GALK2: variants seen among roughly 807,000 people sequenced by gnomAD.
GALK2 encodes the protein N-acetylgalactosamine kinase.
GALK2 carries 36 observed loss-of-function variants against 52.4 expected under a neutral mutation model. That is an observed-to-expected ratio of 0.69 (90% confidence interval 0.53 to 0.91). The LOEUF (loss-of-function observed/expected upper bound fraction) is 0.91. Ranked by LOEUF, GALK2 falls within the 40% of genes least tolerant of loss-of-function variation. The probability of loss-of-function intolerance (pLI) is 0.00; values close to 1 mark genes in which losing one functional copy is unlikely to be tolerated. For synonymous variants in GALK2, 176 were observed against 199.1 expected (o/e 0.88, Z 0.98); for missense variants, 579 against 559.1 (o/e 1.04, Z -0.36).
At chr15:49,199,335 T>C (rs189840142) in intron 1 of GALK2, 23 of 152,284 alleles carry the variant, frequency 1.5e-4, no homozygotes, top group Admixed American at 1.2e-3. Context: ...CTAGTTATAC[T>C]GAAGACAAAG....
chr15:49,287,166 T>C (rs192886300), intron 7 of GALK2, among the ~76,000 whole-genome samples: 6 of 152,334 alleles, frequency 3.9e-5, no homozygotes, highest in Admixed American at 1.3e-4. Context: ...GGATGTTTTC[T>C]CAGTTTAACT....
At chr15:49,292,812 C>T (rs1228832434) in intron 8 of GALK2, among the ~76,000 whole-genome samples, 1 of 151,884 alleles carries the variant, frequency 6.6e-6, no homozygotes, top group East Asian at 1.9e-4. Flanking sequence ...TTCCCTTATC[C>T]ATTTTTTTCT....
rs1363579663 is a variant in GALK2 at position 49,292,435 on chromosome 15, G to A, written c.865G>A (p.Ala289Thr). Reference sequence around the variant, plus strand: ...AGAAATGCTGTTGGTCACAGAAGATGCCCTTCATCCTGAACCCTATAACCC... The same window carrying A: ...AGAAATGCTGTTGGTCACAGAAGATACCCTTCATCCTGAACCCTATAACCC... ...LEEMLLVTEDALHPEPYNPEE... is the reference protein window; with the variant it reads ...LEEMLLVTEDTLHPEPYNPEE... Residue 289 changes from alanine (A) to threonine (T), a missense_variant, in exon 8 of 10, where the codon GCC becomes ACC. Coordinates refer to ENST00000560031, the MANE Select transcript of GALK2 (RefSeq NM_002044.4). The A allele has an allele frequency of 1.2e-6, 2 of 1,613,874 alleles. No individual in the cohort carries two copies. Among genetic ancestry groups the A allele is most frequent in the East Asian group, 2.2e-5 (1 of 44,888 alleles).
At chr15:49,216,695 G>A (rs2089406941) in intron 2 of GALK2, among the ~76,000 whole-genome samples, 1 of 152,192 alleles carries the variant, frequency 6.6e-6, no homozygotes. Context: ...TGCTGAGATT[G>A]AGAATTCTGT....
At chr15:49,306,912 T>C (rs1397907927) in intron 8 of GALK2, among the ~76,000 whole-genome samples, 1 of 152,148 alleles carries the variant, frequency 6.6e-6, no homozygotes, top group Non-Finnish European at 1.5e-5. Flanking sequence ...CAAGATGATG[T>C]GTATTGAGAA....
intron 1 of GALK2, chr15:49,156,192 T>A: frequency 3.1e-6 from 2 of 643,042 alleles, no homozygotes; most frequent in South Asian, 3.7e-5. Context: ...ATCAGTTGAG[T>A]TGCCTTAAAT....
At chr15:49,247,569 TA>T (rs2091411695) in intron 5 of GALK2, among the ~76,000 whole-genome samples, 1 of 152,220 alleles carries the variant, frequency 6.6e-6, no homozygotes, top group Non-Finnish European at 1.5e-5. Flanking sequence ...AAGTGTAAGG[TA>T]TTTTATATGT....
At chr15:49,218,730 T>A (rs2089572832) in intron 3 of GALK2, among the ~76,000 whole-genome samples, 1 of 152,250 alleles carries the variant, frequency 6.6e-6, no homozygotes, top group Non-Finnish European at 1.5e-5. Flanking sequence ...TTTGCCTGTA[T>A]GAATAATACT....
chr15:49,249,962 G>A (rs1280883920), intron 5 of GALK2, among the ~76,000 whole-genome samples: 1 of 152,066 alleles, frequency 6.6e-6, no homozygotes. Context: ...AAAGTTCTAA[G>A]TTGCTAGCCA....
At chr15:49,269,077 T>A (rs2029940883) in intron 5 of GALK2, among the ~76,000 whole-genome samples, 1 of 152,216 alleles carries the variant, frequency 6.6e-6, no homozygotes, top group South Asian at 2.1e-4. Context: ...AGAAAGAGAT[T>A]ACAATCATTT....
chr15:49,235,513 C>T, intron 3 of GALK2: 1 of 415,368 alleles, frequency 2.4e-6, no homozygotes, highest in South Asian at 1.9e-5. Flanking sequence ...TGCCAAACAG[C>T]AGGCCCAGAG....
At chr15:49,318,908 T>C (rs2036644320) in intron 8 of GALK2, 1 of 451,374 alleles carries the variant, frequency 2.2e-6, no homozygotes, top group African/African-American at 2.0e-5. Context: ...TGCACATCCC[T>C]CAGTGCTGTG....
chr15:49,194,357 T>C (rs1048483435), intron 1 of GALK2: 3 of 152,136 alleles, frequency 2.0e-5, no homozygotes, highest in African/African-American at 7.2e-5. Flanking sequence ...TGTCATGATT[T>C]GAGATGCCAC....
chr15:49,191,131 G>A (rs1277535643), intron 1 of GALK2, among the ~76,000 whole-genome samples: 1 of 151,952 alleles, frequency 6.6e-6, no homozygotes, highest in Non-Finnish European at 1.5e-5. Flanking sequence ...GAAAAAAGCA[G>A]AAAAAAGAAC....
chr15:49,262,105 C>T (rs1428215504), intron 5 of GALK2, among the ~76,000 whole-genome samples: 5 of 152,082 alleles, frequency 3.3e-5, no homozygotes, highest in Admixed American at 3.3e-4. Context: ...GGAGGATTCC[C>T]TCTTTTTCTA....
chr15:49,294,487 A>G (rs1032598007), intron 8 of GALK2, among the ~76,000 whole-genome samples: 2 of 152,186 alleles, frequency 1.3e-5, no homozygotes, highest in Non-Finnish European at 2.9e-5. Flanking sequence ...TGTATAGGTA[A>G]TGTGGGAGGT....
chr15:49,258,434 T>C (rs770210466), intron 5 of GALK2, among the ~76,000 whole-genome samples: 9 of 152,080 alleles, frequency 5.9e-5, no homozygotes, highest in Admixed American at 6.6e-5. Context: ...GAAGGAATGG[T>C]GGATATAAAG....
intron 5 of GALK2, among the ~76,000 whole-genome samples, chr15:49,258,191 A>G (rs1384970363): frequency 1.3e-5 from 2 of 152,136 alleles, no homozygotes; most frequent in Admixed American, 6.6e-5. Context: ...GGGTAGAGCA[A>G]TTACTAAAAT....
rs538338679 is a variant in GALK2 at position 49,278,468 on chromosome 15, A to G, written c.505-3519A>G. ...TGGCTTGGGACTTGGCTGCTTTTTT[A>G]TGTAAATCAGATGATTCCTTATTCA... On this transcript the variant is annotated intron_variant, in intron 5 of 9. Coordinates refer to ENST00000560031, the MANE Select transcript of GALK2 (RefSeq NM_002044.4). Among the ~76,000 whole-genome samples, 11 of 152,262 alleles carry G rather than the reference A, an allele frequency of 7.2e-5. No individual in the cohort carries two copies. The South Asian group carries it at 1.5e-3, about 20-fold the overall frequency.
Sources: allele counts gnomAD v4.1 joint callset (sites outside exome capture counted in the v4.1 genomes callset), GRCh38; gene constraint gnomAD v4.1.1; transcripts MANE v1.5; gene names NCBI Gene and HGNC (gene_info 2026-07-23, HGNC 2026-07-21).